CDH23: variants seen among roughly 807,000 people sequenced by gnomAD.
CDH23 encodes cadherin related 23, also known as cadherin-23.
A neutral mutation model predicts 317.1 loss-of-function variants in CDH23; 189 were observed. That is an observed-to-expected ratio of 0.60 (90% CI 0.53 to 0.67). CDH23 has a LOEUF of 0.67. Ranked by LOEUF, CDH23 falls within the 30% of genes least tolerant of loss-of-function variation. CDH23 has a pLI of 0.00. For synonymous variants in CDH23, 1,839 were observed against 1,876.8 expected (o/e 0.98, Z 0.52); for missense variants, 4,401 against 4,592.4 (o/e 0.96, Z 1.20).
At chr10:71,547,959 G>A (rs867820810) in intron 6 of CDH23, among the ~76,000 whole-genome samples, 13 of 152,340 alleles carry the variant, frequency 8.5e-5, no homozygotes, top group Admixed American at 2.6e-4. Flanking sequence ...AACAGGAGCC[G>A]GAAGAGAGGC....
intron 3 of CDH23, among the ~76,000 whole-genome samples, chr10:71,494,375 C>G (rs746990819): frequency 1.3e-5 from 2 of 152,112 alleles, no homozygotes; most frequent in Non-Finnish European, 2.9e-5. Flanking sequence ...AGAGGGAAGG[C>G]CTTCTGTGAA....
intron 3 of CDH23, among the ~76,000 whole-genome samples, chr10:71,498,772 C>G: frequency 6.6e-6 from 1 of 152,210 alleles, no homozygotes; most frequent in East Asian, 1.9e-4. Context: ...CCTCGCAGCC[C>G]TCAGCAAATG....
Position 71,696,018 on chromosome 10 carries a change from C to T in CDH23, c.2397+493C>T, listed in dbSNP as rs75780723. 4.1e-3 allele frequency among the ~76,000 whole-genome samples: 631 copies of T among 152,320 alleles called. 29 individuals carry two copies. In the East Asian group the frequency reaches 0.097, roughly 23 times the overall value. ...TTTGTTCACCTCAGGAATTTTCTGG[C>T]ACAGGTTTGCCAGGTTTGCACAGGC... On this transcript the variant is annotated intron_variant, in intron 22 of 69. Coordinates refer to ENST00000224721, the MANE Select transcript of CDH23 (RefSeq NM_022124.6).
intron 1 of CDH23, among the ~76,000 whole-genome samples, chr10:71,413,561 T>G (rs1379502229): frequency 1.3e-5 from 2 of 152,252 alleles, no homozygotes; most frequent in Non-Finnish European, 2.9e-5. Flanking sequence ...GTCTGTAGAT[T>G]GCTTTGGGCA....
At chr10:71,691,945 T>C (rs1865201182) in intron 20 of CDH23, among the ~76,000 whole-genome samples, 1 of 152,156 alleles carries the variant, frequency 6.6e-6, no homozygotes, top group Non-Finnish European at 1.5e-5. Context: ...GAGCCTCCTT[T>C]TCTATCTCTG....
At chr10:71,642,433 C>T (rs193056286) in intron 11 of CDH23, among the ~76,000 whole-genome samples, 6 of 129,522 alleles carry the variant, frequency 4.6e-5, no homozygotes, top group African/African-American at 1.1e-4. Flanking sequence ...ATGTCTCACT[C>T]TGTCGCCCAG....
chr10:71,551,947 G>A (rs763490179), intron 6 of CDH23, among the ~76,000 whole-genome samples: 14 of 152,142 alleles, frequency 9.2e-5, no homozygotes, highest in Admixed American at 2.6e-4. Flanking sequence ...CAACATAGCC[G>A]GGCACCCTCC....
At chr10:71,790,231 G>A (rs776300948) in intron 45 of CDH23, 57 bp from the exon 46 acceptor site, 4 of 1,599,968 alleles carry the variant, frequency 2.5e-6, no homozygotes, top group African/African-American at 1.3e-5. Flanking sequence ...GGGCAGGGGA[G>A]GTGGGAGGGC....
At chr10:71,813,174 G>A in intron 68 of CDH23, 70 bp from the exon 69 acceptor site, 1 of 1,395,076 alleles carries the variant, frequency 7.2e-7, no homozygotes, top group Middle Eastern at 2.3e-4. Flanking sequence ...CTTACTCCCA[G>A]AGGGAGTGGG....
At chr10:71,619,267 G>A (rs1030375239) in intron 11 of CDH23, among the ~76,000 whole-genome samples, 5 of 151,726 alleles carry the variant, frequency 3.3e-5, no homozygotes, top group East Asian at 3.9e-4. Context: ...CCTGGGAGGC[G>A]GAGGGTGCAG....
At chr10:71,406,539 C>A (rs979281938) in intron 1 of CDH23, among the ~76,000 whole-genome samples, 2 of 152,204 alleles carry the variant, frequency 1.3e-5, no homozygotes, top group African/African-American at 4.8e-5. Context: ...CTGTGGCAAA[C>A]TGCACATACT....
intron 9 of CDH23, among the ~76,000 whole-genome samples, chr10:71,598,744 G>A (rs1036609650): frequency 3.3e-5 from 5 of 152,388 alleles, no homozygotes; most frequent in East Asian, 3.8e-4. Context: ...CTCCCTGGTC[G>A]AAAAGGCAAG....
intron 24 of CDH23, 98 bp from the exon 25 acceptor site, chr10:71,704,813 C>T: frequency 1.0e-6 from 1 of 963,970 alleles, no homozygotes; most frequent in Middle Eastern, 2.5e-4. Flanking sequence ...TAGCTGCAGC[C>T]AAGTGTGGCT....
chr10:71,617,240 C>T lies in CDH23; in HGVS notation c.981C>T (p.Asp327=), dbSNP rs771722739. The T allele has an allele frequency of 3.2e-5, 52 of 1,613,988 alleles. No individual in the cohort carries two copies. Among genetic ancestry groups the T allele is most frequent in the East Asian group, 2.5e-4 (11 of 44,888 alleles). The change falls in exon 11 of 70, where the codon GAC becomes GAT. Residue 327 remains aspartate, a synonymous_variant. Transcript: ENST00000224721. ...TGAACGATGACCGCACCCCATCTGA[C>T]GCTACAGTCACCACGACCTTCAATA... ...TELNDDRTPS[D]ATVTTTFNIL...
chr10:71,702,231 C>G lies in CDH23; in HGVS notation c.2587+20C>G, dbSNP rs1399904871. 6.2e-7 allele frequency: 1 copy of G among 1,608,678 alleles called. No individual in the cohort carries two copies. The highest frequency in any genetic ancestry group is 8.5e-7 in the Non-Finnish European group (1 of 1,176,428). On this transcript the variant is annotated intron_variant, in intron 23 of 69. Coordinates refer to ENST00000224721, the MANE Select transcript of CDH23 (RefSeq NM_022124.6). ...CTGACTGTATGGACCCCTCTCGCCC[C>G]TCACGGCCCCCACACCTTAGGCTGC...
intron 11 of CDH23, among the ~76,000 whole-genome samples, chr10:71,643,206 A>G (rs974975654): frequency 1.3e-5 from 2 of 152,168 alleles, no homozygotes; most frequent in Non-Finnish European, 2.9e-5. Flanking sequence ...GCAGGGTGGC[A>G]TGTACCCATA....
At chr10:71,668,547 C>T (rs1243575304) in intron 14 of CDH23, among the ~76,000 whole-genome samples, 2 of 152,324 alleles carry the variant, frequency 1.3e-5, no homozygotes, top group Non-Finnish European at 2.9e-5. Context: ...ATTGATCTCT[C>T]TTGAGTCTCT....
Position 71,495,827 on chromosome 10 carries a change from A to AGGAAGGAAGGAAGGAAGGAAGGAAGGAAG in CDH23, c.146-14254_146-14253insGAAGGAAGGAAGGAAGGAAGGAAGGAAGG, listed in dbSNP as rs1564615543. Among the ~76,000 whole-genome samples the AGGAAGGAAGGAAGGAAGGAAGGAAGGAAG allele has an allele frequency of 9.6e-5, 14 of 146,226 alleles. No individual in the cohort carries two copies. The South Asian group carries it at 2.5e-3, about 26-fold the overall frequency. ...AGGTTTTGGAAAAAAAAAAAAAGAA[A>AGGAAGGAAGGAAGGAAGGAAGGAAGGAAG]GAAAGAAAGAAAGAAGGAAAGAAAG... On this transcript the variant is annotated intron_variant, in intron 3 of 69. Coordinates refer to ENST00000224721, the MANE Select transcript of CDH23 (RefSeq NM_022124.6).
At chr10:71,762,375 G>C (rs1401708034) in intron 38 of CDH23, among the ~76,000 whole-genome samples, 3 of 152,194 alleles carry the variant, frequency 2.0e-5, no homozygotes, top group African/African-American at 4.8e-5. Context: ...AGGCTGTTTC[G>C]AACAGCAGCT....
Sources: allele counts gnomAD v4.1 joint callset (sites outside exome capture counted in the v4.1 genomes callset), GRCh38; gene constraint gnomAD v4.1.1; transcripts MANE v1.5; gene names NCBI Gene and HGNC (gene_info 2026-07-23, HGNC 2026-07-21).